The following KALRN variants were observed in gnomAD, a reference collection of about 807,000 sequenced individuals.
KALRN encodes the protein kalirin RhoGEF kinase, also known as kalirin.
KALRN carries 70 observed loss-of-function variants against 353.7 expected under a neutral mutation model. The observed-to-expected ratio is 0.20, with a 90% CI of 0.16 to 0.24. The LOEUF is 0.24. KALRN is among the 10% of genes least tolerant of loss of function. The probability of loss-of-function intolerance (pLI) is 1.00; values close to 1 mark genes in which losing one functional copy is unlikely to be tolerated. For missense variants in KALRN, 2,791 were observed against 3,756.7 expected (o/e 0.74, Z 6.72); for synonymous variants, 1,391 against 1,434.8 (o/e 0.97, Z 0.69).
At position 124,166,764 on chromosome 3, in the gene KALRN, C is replaced by T. The variant is rs1211529214; in HGVS notation, c.74-61226C>T. ...GAACATCTAAATTTGGAGGGCCCGG[C>T]GTGGTGGCTCATACCTGTAATCCCA... On this transcript the variant is annotated intron_variant, in intron 1 of 59. Transcript: ENST00000682506. 2.0e-5 allele frequency among the ~76,000 whole-genome samples: 3 copies of T among 152,224 alleles called. 1 individual carries two copies. The highest frequency in any genetic ancestry group is 4.2e-4 in the South Asian group (2 of 4,816).
In KALRN at chr3:124,597,466, G is replaced by A. The variant is rs142353823; in HGVS notation, c.5182+34377G>A. ...TGAGCATAGCAGCCTGGGATGATCT[G>A]GGAGGACTCCCCAGGGGATGCAGGG... is the stretch of plus-strand genomic sequence containing the variant. On this transcript the variant is annotated intron_variant, in intron 34 of 59. Coordinates refer to ENST00000682506, the MANE Select transcript of KALRN (RefSeq NM_001388419.1). 3.3e-5 allele frequency among the ~76,000 whole-genome samples: 5 copies of A among 152,334 alleles called. No homozygotes were observed. In the East Asian group the frequency reaches 9.6e-4, roughly 29 times the overall value.
At chr3:124,384,691 G>T (rs1000407230) in intron 10 of KALRN, 154 bp from the exon 11 acceptor site, 2 of 623,546 alleles carry the variant, frequency 3.2e-6, no homozygotes, top group South Asian at 2.9e-5. Flanking sequence ...GCTGAGAGGC[G>T]GCGTGCCAGC....
chr3:124,348,668 A>G (rs1260727596), intron 10 of KALRN, among the ~76,000 whole-genome samples: 1 of 152,168 alleles, frequency 6.6e-6, no homozygotes, highest in African/African-American at 2.4e-5. Context: ...AGTACCATAG[A>G]TCCAGCAATT....
intron 4 of KALRN, among the ~76,000 whole-genome samples, chr3:124,266,398 T>C (rs1013085312): frequency 6.6e-6 from 1 of 152,186 alleles, no homozygotes; most frequent in East Asian, 1.9e-4. Flanking sequence ...TCAAGGATGA[T>C]GTATTACTTT....
At chr3:124,200,854 T>A (rs1433972255) in intron 1 of KALRN, among the ~76,000 whole-genome samples, 1 of 152,196 alleles carries the variant, frequency 6.6e-6, no homozygotes, top group Non-Finnish European at 1.5e-5. Flanking sequence ...AATCCGTATG[T>A]ATGGCATAGA....
At chr3:124,508,232 G>A (rs1475675932) in intron 33 of KALRN, among the ~76,000 whole-genome samples, 1 of 152,204 alleles carries the variant, frequency 6.6e-6, no homozygotes, top group African/African-American at 2.4e-5. Context: ...TAAAAACCAT[G>A]CAGGTCATGA....
chr3:124,526,365 G>C (rs1467789279), intron 33 of KALRN, among the ~76,000 whole-genome samples: 1 of 152,104 alleles, frequency 6.6e-6, no homozygotes, highest in African/African-American at 2.4e-5. Context: ...TTGAGCCCAG[G>C]AGTTCGAGAC....
intron 16 of KALRN, among the ~76,000 whole-genome samples, chr3:124,433,075 T>C (rs2093340327): frequency 6.6e-6 from 1 of 152,138 alleles, no homozygotes; most frequent in Admixed American, 6.5e-5. Context: ...CCAGGGAAGA[T>C]AAGCTATTTC....
chr3:124,341,448 GCT>G (rs1441635980), intron 9 of KALRN, among the ~76,000 whole-genome samples: 1 of 152,226 alleles, frequency 6.6e-6, no homozygotes, highest in Non-Finnish European at 1.5e-5. Context: ...AGGCAAGGAT[GCT>G]GTGTGATAGA....
intron 34 of KALRN, among the ~76,000 whole-genome samples, chr3:124,619,777 G>A (rs2079072873): frequency 1.3e-5 from 2 of 151,944 alleles, no homozygotes; most frequent in South Asian, 4.2e-4. Flanking sequence ...ATGAGCCACT[G>A]CGCCCAGCCT....
intron 51 of KALRN, among the ~76,000 whole-genome samples, chr3:124,687,631 A>G (rs2061623227): frequency 6.6e-6 from 1 of 152,042 alleles, no homozygotes. Context: ...TGTACCCCCA[A>G]ATTAATGATT....
chr3:124,064,746 G>A (rs529408941), intron 1 of KALRN, among the ~76,000 whole-genome samples: 1 of 152,264 alleles, frequency 6.6e-6, no homozygotes, highest in South Asian at 2.1e-4. Context: ...GAATCTCAAA[G>A]GTAGCTCTCT....
At chr3:124,209,652 T>C (rs1188380554) in intron 1 of KALRN, among the ~76,000 whole-genome samples, 3 of 152,094 alleles carry the variant, frequency 2.0e-5, no homozygotes, top group Admixed American at 1.3e-4. Flanking sequence ...TAAGAAATTA[T>C]AGGGTAGAGA....
intron 5 of KALRN, among the ~76,000 whole-genome samples, chr3:124,280,161 G>A (rs1247595998): frequency 1.3e-5 from 2 of 152,204 alleles, no homozygotes; most frequent in Non-Finnish European, 2.9e-5. Flanking sequence ...CTTTGATTCA[G>A]GTCCAATCCC....
intron 10 of KALRN, among the ~76,000 whole-genome samples, chr3:124,350,532 A>G (rs2082728280): frequency 6.6e-6 from 1 of 152,146 alleles, no homozygotes; most frequent in Non-Finnish European, 1.5e-5. Context: ...TCCTAATTCC[A>G]TGCTGTCCCT....
At chr3:124,318,758 G>C (rs955812260) in intron 6 of KALRN, among the ~76,000 whole-genome samples, 5 of 152,122 alleles carry the variant, frequency 3.3e-5, no homozygotes, top group African/African-American at 1.2e-4. Context: ...GTTAATATAA[G>C]CTGCAGGGCA....
chr3:124,202,541 C>T (rs948073325), intron 1 of KALRN, among the ~76,000 whole-genome samples: 7 of 152,112 alleles, frequency 4.6e-5, no homozygotes, highest in Non-Finnish European at 1.0e-4. Flanking sequence ...TTTGAGCCAC[C>T]GTGCAGCCTA....
intron 1 of KALRN, among the ~76,000 whole-genome samples, chr3:124,189,569 G>A (rs558032041): frequency 3.3e-5 from 5 of 152,276 alleles, no homozygotes; most frequent in East Asian, 3.9e-4. Context: ...TTGGGAAGCC[G>A]AGGCGGGTGG....
chr3:124,464,874 A>AAC (rs2060177717), intron 25 of KALRN, among the ~76,000 whole-genome samples: 1 of 151,788 alleles, frequency 6.6e-6, no homozygotes, highest in Non-Finnish European at 1.5e-5. Flanking sequence ...AAAAAAAAAA[A>AAC]AACCTCATAG....
Sources: allele counts gnomAD v4.1 joint callset (sites outside exome capture counted in the v4.1 genomes callset), GRCh38; gene constraint gnomAD v4.1.1; transcripts MANE v1.5; gene names NCBI Gene and HGNC (gene_info 2026-07-23, HGNC 2026-07-21).